LIN9: variants seen among roughly 807,000 people sequenced by gnomAD.
LIN9 encodes protein lin-9 homolog.
Under a neutral mutation model 78.0 loss-of-function variants are expected in LIN9, and 18 were observed. That is an observed-to-expected ratio of 0.23 (90% CI 0.16 to 0.34). The LOEUF is 0.34. Ranked by LOEUF, LIN9 falls within the 10% of genes least tolerant of loss-of-function variation. LIN9 has a pLI of 1.00. For missense variants in LIN9, 451 were observed against 644.1 expected (o/e 0.70, Z 3.25); for synonymous variants, 192 against 215.2 (o/e 0.89, Z 0.94).
chr1:226,291,305 A>C (rs890544259), intron 4 of LIN9, among the ~76,000 whole-genome samples: 1 of 152,240 alleles, frequency 6.6e-6, no homozygotes, highest in Non-Finnish European at 1.5e-5. Context: ...AATAGTAAAA[A>C]GAAATGAAAC....
chr1:226,246,669 T>C (rs1280014498), intron 11 of LIN9, among the ~76,000 whole-genome samples: 1 of 151,120 alleles, frequency 6.6e-6, no homozygotes, highest in East Asian at 1.9e-4. Flanking sequence ...GGCAGGCGCC[T>C]GTAGTCCCAG....
At chr1:226,238,819 T>G (rs1453330343) in intron 12 of LIN9, 152 bp downstream of exon 12, 1 of 663,654 alleles carries the variant, frequency 1.5e-6, no homozygotes, top group East Asian at 3.1e-5. Context: ...TCTTCAACAC[T>G]GATGCTGGGA....
At position 226,250,834 on chromosome 1, in the gene LIN9, CT is replaced by C; in HGVS notation, c.1119+4del. The stretch of plus-strand genomic sequence containing the variant: ...AAATGAAGAAAAAAAAAGAGAAATT[CT>C]TACCAATTTTTCTGCTTCTGTGTTC... On this transcript the variant is annotated splice_donor_region_variant and intron_variant, in intron 11 of 14. Coordinates refer to ENST00000681046, the MANE Select transcript of LIN9 (RefSeq NM_001366245.2). 7.0e-7 allele frequency: 1 copy of C among 1,434,630 alleles called. No individual in the cohort carries two copies. The highest frequency in any genetic ancestry group is 9.7e-7 in the Non-Finnish European group (1 of 1,033,248). 88.9% of individuals were successfully genotyped at this position (1,434,630 alleles called of 1,614,324 possible).
Position 226,302,411 on chromosome 1 carries a change from C to T in LIN9, c.32-1206G>A, listed in dbSNP as rs564882160. Among the ~76,000 whole-genome samples, 12 of 152,172 alleles carry T rather than the reference C, an allele frequency of 7.9e-5. No homozygotes were observed. The South Asian group carries it at 1.5e-3, about 18-fold the overall frequency. On this transcript the variant is annotated intron_variant, in intron 1 of 14. Coordinates refer to ENST00000681046, the MANE Select transcript of LIN9 (RefSeq NM_001366245.2). ...ACAAAAAATTAACTGGGTGTGGTGGCGAGCACCTGTAGTCCCAGCTACTCG... is the reference window on the plus strand; with the variant it reads ...ACAAAAAATTAACTGGGTGTGGTGGTGAGCACCTGTAGTCCCAGCTACTCG...
intron 8 of LIN9, 53 bp downstream of exon 8, chr1:226,267,904 T>C (rs557960330): frequency 7.4e-5 from 114 of 1,545,826 alleles, no homozygotes; most frequent in African/African-American, 4.8e-4. Flanking sequence ...AAAAACTCTA[T>C]ATAACACATT....
intron 2 of LIN9, among the ~76,000 whole-genome samples, chr1:226,298,679 G>T (rs1345886139): frequency 6.6e-6 from 1 of 152,106 alleles, no homozygotes; most frequent in Non-Finnish European, 1.5e-5. Flanking sequence ...TGCCCAACAT[G>T]GTGAAACGCC....
intron 4 of LIN9, among the ~76,000 whole-genome samples, chr1:226,288,174 G>A (rs1271349921): frequency 6.6e-5 from 10 of 152,120 alleles, no homozygotes; most frequent in Non-Finnish European, 1.2e-4. Flanking sequence ...GTTTCACCAT[G>A]TTGGCCAGGC....
At chr1:226,298,845 T>C (rs1254484788) in intron 2 of LIN9, among the ~76,000 whole-genome samples, 2 of 152,104 alleles carry the variant, frequency 1.3e-5, no homozygotes, top group South Asian at 2.1e-4. Flanking sequence ...CAAGCCGAGA[T>C]AGCACCACTG....
chr1:226,291,650 T>C (rs946535357), intron 4 of LIN9, among the ~76,000 whole-genome samples: 2 of 152,298 alleles, frequency 1.3e-5, no homozygotes, highest in African/African-American at 4.8e-5. Context: ...GGAAAAGTTG[T>C]AGATTTACAG....
intron 11 of LIN9, among the ~76,000 whole-genome samples, chr1:226,250,106 G>A (rs1430552364): frequency 1.3e-5 from 2 of 151,642 alleles, no homozygotes; most frequent in African/African-American, 4.9e-5. Context: ...GGAGGTGGAG[G>A]TTGCAGTGAG....
chr1:226,265,409 A>G lies in LIN9; in HGVS notation c.1038+124T>C. Reference sequence around the variant, plus strand: ...CTTTTATTTTCAGGCTTTGTTGGAAATAGCAGCTCTTAAAACCTACACGGT... The same window carrying G: ...CTTTTATTTTCAGGCTTTGTTGGAAGTAGCAGCTCTTAAAACCTACACGGT... On this transcript the variant is annotated intron_variant, in intron 10 of 14. Coordinates refer to ENST00000681046, the MANE Select transcript of LIN9 (RefSeq NM_001366245.2). This position sits in a 1 kb window ranked among gnomAD's most constrained non-coding sequence, Gnocchi z 4.1. 1 of 495,868 alleles carries G rather than the reference A, an allele frequency of 2.0e-6. No individual in the cohort carries two copies. The highest frequency in any genetic ancestry group is 3.6e-6 in the Non-Finnish European group (1 of 276,794). 30.7% of individuals were successfully genotyped at this position (495,868 alleles called of 1,614,324 possible).
chr1:226,279,752 AG>A (rs1194541862), intron 6 of LIN9, among the ~76,000 whole-genome samples: 2 of 146,512 alleles, frequency 1.4e-5, no homozygotes, highest in African/African-American at 5.0e-5. Flanking sequence ...CCTGGGCAAC[AG>A]AGCAAGACCC....
chr1:226,277,981 A>AAACTT (rs1159868177), intron 6 of LIN9, 49 bp from the exon 7 acceptor site: 3 of 1,461,808 alleles, frequency 2.1e-6, no homozygotes, highest in Non-Finnish European at 2.8e-6. Context: ...CCCCATATAA[A>AAACTT]AACTTAAAAT....
At chr1:226,245,535 C>T (rs1400064584) in intron 11 of LIN9, among the ~76,000 whole-genome samples, 1 of 152,018 alleles carries the variant, frequency 6.6e-6, no homozygotes, top group Non-Finnish European at 1.5e-5. Flanking sequence ...CAATCCTCCC[C>T]CATCAGTCTC....
Position 226,233,136 on chromosome 1 carries a change from A to G in LIN9, c.1483T>C (p.Leu495=). 1 of 1,608,502 alleles carries G rather than the reference A, an allele frequency of 6.2e-7. No individual in the cohort carries two copies. The highest frequency in any genetic ancestry group is 8.5e-7 in the Non-Finnish European group (1 of 1,177,976). The part of the protein sequence containing the change: ...SFEFKSLTDS[L]NDIKSTIDAS... Reference sequence around the variant, plus strand: ...TCTATTGTACTCTTGATATCATTTAATGAGTCTGTAAGTGATTTGAATTCA... The same window carrying G: ...TCTATTGTACTCTTGATATCATTTAGTGAGTCTGTAAGTGATTTGAATTCA... Residue 495 remains leucine (L), a synonymous_variant, in exon 14 of 15, where the codon TTA becomes CTA. Transcript: ENST00000681046.
chr1:226,306,197 C>T (rs1329624211), intron 1 of LIN9, among the ~76,000 whole-genome samples: 2 of 151,800 alleles, frequency 1.3e-5, no homozygotes, highest in Admixed American at 6.6e-5. Flanking sequence ...TGGTGGCGGG[C>T]GCCTGTAAAC....
rs1407910344 is a variant in LIN9 at position 226,239,134 on chromosome 1, G to T, written c.1120-38C>A. The T allele has an allele frequency of 4.4e-6, 7 of 1,600,402 alleles. No homozygotes were observed. In the African/African-American group the frequency reaches 9.5e-5, roughly 22 times the overall value. ...AAAAATCAGATCTTGGTAAGAGTTT[G>T]TTTTTTAGCAATGCAATTTCAATGA... is the stretch of plus-strand genomic sequence containing the variant. On this transcript the variant is annotated intron_variant, in intron 11 of 14. Transcript: ENST00000681046.
chr1:226,247,698 G>A (rs368589207), intron 11 of LIN9, among the ~76,000 whole-genome samples: 2 of 143,838 alleles, frequency 1.4e-5, no homozygotes, highest in Non-Finnish European at 3.0e-5. Flanking sequence ...TTGAGACAGA[G>A]TCTCGCTCTG....
Position 226,297,725 on chromosome 1 carries a change from C to A in LIN9, c.153G>T (p.Val51=). 6.4e-7 allele frequency: 1 copy of A among 1,572,526 alleles called. No homozygotes were observed. The highest frequency in any genetic ancestry group is 1.2e-5 in the South Asian group (1 of 83,466). ...VWKGRNTSSA[V]EMPFRNSKRS... The stretch of plus-strand genomic sequence containing the variant: ...AGAAAAACTCACTCCTTACCATTTC[C>A]ACAGCAGAGCTTGTATTCCTGCCTT... The change falls in exon 3 of 15, where the codon GTG becomes GTT. Residue 51 remains valine, a synonymous_variant. Transcript: ENST00000681046.
Sources: allele counts gnomAD v4.1 joint callset (sites outside exome capture counted in the v4.1 genomes callset), GRCh38; gene constraint gnomAD v4.1.1; non-coding constraint Gnocchi (gnomAD v3.1); transcripts MANE v1.5; gene names NCBI Gene and HGNC (gene_info 2026-07-23, HGNC 2026-07-21).